ABCG2: variants seen among roughly 807,000 people sequenced by gnomAD.
ABCG2 encodes broad substrate specificity ATP-binding cassette transporter ABCG2.
A neutral mutation model predicts 73.5 loss-of-function variants in ABCG2; 80 were observed. The ratio of observed to expected loss-of-function variants is 1.09; its 90% CI spans 0.91 to 1.31. ABCG2 has a LOEUF of 1.31. ABCG2 is among the 50% of genes most tolerant of loss of function. The pLI is 0.00. For missense variants in ABCG2, 796 were observed against 786.2 expected (o/e 1.01, Z -0.15); for synonymous variants, 269 against 282.4 (o/e 0.95, Z 0.48).
At chr4:88,100,145 T>C (rs1722290917) in intron 11 of ABCG2, among the ~76,000 whole-genome samples, 1 of 145,622 alleles carries the variant, frequency 6.9e-6, no homozygotes, top group East Asian at 2.0e-4. Context: ...CCTTGAAAAA[T>C]ACCCAGCCTG....
Position 88,145,538 on chromosome 4 carries a change from G to A in ABCG2, c.-19-5524C>T, listed in dbSNP as rs11934545. ...ATCTGGAGAACGCGGCCTAATTCCCGACAGACAGGAAGAGACCCCATCACC... is the reference window on the plus strand; with the variant it reads ...ATCTGGAGAACGCGGCCTAATTCCCAACAGACAGGAAGAGACCCCATCACC... On this transcript the variant is annotated intron_variant, in intron 1 of 15. Transcript: ENST00000237612. Among the ~76,000 whole-genome samples the A allele has an allele frequency of 7.6e-3, 1,150 of 152,170 alleles. 8 individuals are homozygous for A. Among genetic ancestry groups the A allele is most frequent in the African/African-American group, 0.025 (1,021 of 41,512 alleles).
intron 1 of ABCG2, among the ~76,000 whole-genome samples, chr4:88,152,614 T>C (rs1047170144): frequency 6.6e-6 from 1 of 152,108 alleles, no homozygotes; most frequent in African/African-American, 2.4e-5. Flanking sequence ...GAACAGGCCA[T>C]TTTCAGTTCT....
chr4:88,125,607 CAAAAAAAAA>C (rs70957302), intron 5 of ABCG2, among the ~76,000 whole-genome samples: 23 of 34,978 alleles, frequency 6.6e-4, no homozygotes, highest in African/African-American at 2.0e-3. Flanking sequence ...GACTCTGTCT[CAAAAAAAAA>C]AAAAAAAAAA....
chr4:88,143,942 G>C (rs1725803727), intron 1 of ABCG2, among the ~76,000 whole-genome samples: 1 of 152,188 alleles, frequency 6.6e-6, no homozygotes, highest in Non-Finnish European at 1.5e-5. Flanking sequence ...AATGAATATA[G>C]TATTCTGGGT....
intron 2 of ABCG2, 89 bp from the exon 3 acceptor site, chr4:88,132,724 G>A: frequency 1.4e-6 from 2 of 1,398,544 alleles, no homozygotes; most frequent in Non-Finnish European, 1.0e-6. Flanking sequence ...CTCAATGAAG[G>A]TTGATGAAAT....
intron 8 of ABCG2, among the ~76,000 whole-genome samples, 183 bp downstream of exon 8, chr4:88,114,774 C>A (rs1266081580): frequency 6.6e-6 from 1 of 152,062 alleles, no homozygotes; most frequent in African/African-American, 2.4e-5. Flanking sequence ...CATATAAATT[C>A]TCATTTATAA....
chr4:88,113,354 G>C lies in ABCG2; in HGVS notation c.1143C>G (p.Ser381=). 6.2e-7 allele frequency: 1 copy of C among 1,614,216 alleles called. No individual in the cohort carries two copies. Among genetic ancestry groups the C allele is most frequent in the African/African-American group, 1.3e-5 (1 of 75,054 alleles). ...TSFCHQLRWV[S]KRSFKNLLGN... Reference sequence around the variant, plus strand: ...CCAGCAAGTTTTTGAATGAACGCTTGGAAACCCATCTGAGTTGATGACAGA... The same window carrying C: ...CCAGCAAGTTTTTGAATGAACGCTTCGAAACCCATCTGAGTTGATGACAGA... The change falls in exon 9 of 16, where the codon TCC becomes TCG. Residue 381 remains serine (S), a synonymous_variant. Transcript: ENST00000237612.
chr4:88,150,895 A>T (rs1032496673), intron 1 of ABCG2, among the ~76,000 whole-genome samples: 3 of 152,124 alleles, frequency 2.0e-5, no homozygotes, highest in African/African-American at 7.2e-5. Flanking sequence ...AGCCTATGAG[A>T]GCTCCCTGAA....
chr4:88,128,181 T>TACCTAAAAAATCC (rs1724573027), intron 5 of ABCG2, among the ~76,000 whole-genome samples: 1 of 152,192 alleles, frequency 6.6e-6, no homozygotes, highest in East Asian at 1.9e-4. Flanking sequence ...AACTTCATCA[T>TACCTAAAAAATCC]CACTGGTCAT....
intron 8 of ABCG2, 36 bp downstream of exon 8, chr4:88,114,921 T>C (rs1723420686): frequency 1.4e-6 from 2 of 1,479,810 alleles, no homozygotes; most frequent in African/African-American, 1.4e-5. Context: ...CCAATTCAAT[T>C]AGGCAAAAAT....
intron 1 of ABCG2, among the ~76,000 whole-genome samples, chr4:88,150,293 G>A (rs919066909): frequency 6.6e-6 from 1 of 152,148 alleles, no homozygotes; most frequent in African/African-American, 2.4e-5. Context: ...CTCCAACCTG[G>A]GCAACAGAGG....
At chr4:88,102,655 T>C (rs1411358377) in intron 10 of ABCG2, among the ~76,000 whole-genome samples, 2 of 151,844 alleles carry the variant, frequency 1.3e-5, no homozygotes, top group Admixed American at 6.6e-5. Flanking sequence ...TAATCTACAC[T>C]TTGATACAAA....
At chr4:88,229,411 G>A (rs532654446) in intron 1 of ABCG2, among the ~76,000 whole-genome samples, 9 of 152,266 alleles carry the variant, frequency 5.9e-5, no homozygotes, top group Admixed American at 3.3e-4. Context: ...GGCCGAGATG[G>A]GAGGATCGCA....
intron 2 of ABCG2, among the ~76,000 whole-genome samples, chr4:88,139,504 C>G (rs1392713775): frequency 6.6e-6 from 1 of 152,164 alleles, no homozygotes; most frequent in Non-Finnish European, 1.5e-5. Context: ...CTGCCTGCCT[C>G]GGCCTCCCAA....
chr4:88,188,981 C>T (rs1466733310), intron 1 of ABCG2, among the ~76,000 whole-genome samples: 1 of 151,526 alleles, frequency 6.6e-6, no homozygotes, highest in Non-Finnish European at 1.5e-5. Flanking sequence ...CCACTGGACT[C>T]CAGCCTGGGT....
intron 10 of ABCG2, among the ~76,000 whole-genome samples, chr4:88,103,125 T>C (rs960377833): frequency 5.9e-5 from 9 of 152,054 alleles, no homozygotes; most frequent in African/African-American, 1.9e-4. Context: ...GAGTGAAAAA[T>C]AGCCAGGCCT....
chr4:88,176,518 TC>T (rs1315725357), intron 1 of ABCG2, among the ~76,000 whole-genome samples: 1 of 144,406 alleles, frequency 6.9e-6, no homozygotes, highest in Non-Finnish European at 1.5e-5. Flanking sequence ...TCTCACTGTT[TC>T]ACTCAGGTTG....
intron 8 of ABCG2, 62 bp downstream of exon 8, chr4:88,114,895 C>T (rs772813883): frequency 3.8e-5 from 42 of 1,111,616 alleles, no homozygotes; most frequent in Middle Eastern, 2.1e-4. Flanking sequence ...TTAGCCACCA[C>T]ATTGCTAAAC....
chr4:88,106,200 C>T (rs1365813745), intron 10 of ABCG2, among the ~76,000 whole-genome samples: 1 of 151,990 alleles, frequency 6.6e-6, no homozygotes, highest in Non-Finnish European at 1.5e-5. Context: ...TGCAGTAGTG[C>T]AATCATAGCT....
Sources: gnomAD v4.1 joint callset for allele counts (sites outside exome capture counted in the v4.1 genomes callset) on GRCh38, gnomAD v4.1.1 for gene constraint, MANE v1.5 for transcripts, NCBI Gene and HGNC (gene_info 2026-07-23, HGNC 2026-07-21) for gene names.